DOK6: variants seen among roughly 807,000 people sequenced by gnomAD.
DOK6 encodes docking protein 6.
DOK6 carries 22 observed loss-of-function variants against 44.0 expected under a neutral mutation model. The ratio of observed to expected loss-of-function variants is 0.50; its 90% CI spans 0.36 to 0.71. The LOEUF (loss-of-function observed/expected upper bound fraction) is 0.71. DOK6 is among the 30% of genes least tolerant of loss of function. The probability of loss-of-function intolerance (pLI) is 0.00; values close to 1 mark genes in which losing one functional copy is unlikely to be tolerated. For synonymous variants in DOK6, 166 were observed against 145.5 expected (o/e 1.14, Z -1.01); for missense variants, 340 against 416.4 (o/e 0.82, Z 1.60).
intron 7 of DOK6, among the ~76,000 whole-genome samples, chr18:69,829,767 A>G (rs1477880141): frequency 6.6e-6 from 1 of 151,910 alleles, no homozygotes; most frequent in Non-Finnish European, 1.5e-5. Flanking sequence ...AATACTTTCT[A>G]TAGGAAAAAA....
At chr18:69,496,418 G>A (rs1385576022) in intron 1 of DOK6, among the ~76,000 whole-genome samples, 2 of 152,254 alleles carry the variant, frequency 1.3e-5, no homozygotes, top group Admixed American at 6.5e-5. Context: ...CAGCCCCAGC[G>A]GGGCTTCCCG....
intron 1 of DOK6, among the ~76,000 whole-genome samples, chr18:69,516,692 T>A (rs372988997): frequency 9.9e-5 from 15 of 152,054 alleles, no homozygotes; most frequent in African/African-American, 3.4e-4. Context: ...CTTTTTTTTT[T>A]CTTTTGAGGC....
intron 4 of DOK6, among the ~76,000 whole-genome samples, chr18:69,690,982 A>T (rs373828233): frequency 6.6e-6 from 1 of 151,962 alleles, no homozygotes; most frequent in Admixed American, 6.6e-5. Flanking sequence ...GGAGTTCAAG[A>T]CCAGCCTGTC....
At chr18:69,518,082 TA>T (rs1981583223) in intron 1 of DOK6, among the ~76,000 whole-genome samples, 1 of 152,134 alleles carries the variant, frequency 6.6e-6, no homozygotes, top group Admixed American at 6.6e-5. Flanking sequence ...TAATTTAGAG[TA>T]TCATTATTAC....
chr18:69,572,472 C>A (rs185639171), intron 2 of DOK6, among the ~76,000 whole-genome samples: 1 of 152,014 alleles, frequency 6.6e-6, no homozygotes. Context: ...GTAGTCAATT[C>A]GATAAATAGT....
At chr18:69,649,516 G>A (rs1457943596) in intron 3 of DOK6, among the ~76,000 whole-genome samples, 1 of 152,122 alleles carries the variant, frequency 6.6e-6, no homozygotes, top group Non-Finnish European at 1.5e-5. Flanking sequence ...TAATTTATCA[G>A]CCTCAATAGA....
intron 6 of DOK6, among the ~76,000 whole-genome samples, chr18:69,751,482 A>C (rs1979176222): frequency 6.6e-6 from 1 of 152,218 alleles, no homozygotes; most frequent in African/African-American, 2.4e-5. Flanking sequence ...CAGTGGATTA[A>C]AAATTGAACA....
intron 1 of DOK6, among the ~76,000 whole-genome samples, chr18:69,438,370 T>C (rs187161527): frequency 1.3e-5 from 2 of 152,346 alleles, no homozygotes; most frequent in African/African-American, 4.8e-5. Flanking sequence ...ACTTCTTATT[T>C]GTTATTTGTT....
chr18:69,647,101 T>TCTGTCTATC (rs2144659355), intron 3 of DOK6, among the ~76,000 whole-genome samples: 2 of 151,110 alleles, frequency 1.3e-5, no homozygotes, highest in South Asian at 4.2e-4. Context: ...GTCTATCCTA[T>TCTGTCTATC]CTGTCTATCT....
At chr18:69,522,787 T>C (rs1981722965) in intron 1 of DOK6, among the ~76,000 whole-genome samples, 1 of 152,112 alleles carries the variant, frequency 6.6e-6, no homozygotes, top group African/African-American at 2.4e-5. Flanking sequence ...TTGATTACTG[T>C]TCCACATTAT....
At chr18:69,757,709 T>C in intron 6 of DOK6, 47 bp from the exon 7 acceptor site, 1 of 1,503,068 alleles carries the variant, frequency 6.7e-7, no homozygotes, top group South Asian at 1.1e-5. Flanking sequence ...CAGATTTCAG[T>C]TTAATATTTT....
chr18:69,803,907 C>A (rs564242105), intron 7 of DOK6, among the ~76,000 whole-genome samples: 1 of 152,220 alleles, frequency 6.6e-6, no homozygotes, highest in Admixed American at 6.5e-5. Context: ...AAGTATAGTG[C>A]AGAAAAGTTG....
At chr18:69,504,816 C>T (rs1009959429) in intron 1 of DOK6, among the ~76,000 whole-genome samples, 8 of 152,126 alleles carry the variant, frequency 5.3e-5, no homozygotes, top group Admixed American at 3.9e-4. Flanking sequence ...TGTGATTCCA[C>T]GAGAGCTATT....
At chr18:69,677,662 G>A in intron 3 of DOK6, 72 bp from the exon 4 acceptor site, 1 of 1,604,048 alleles carries the variant, frequency 6.2e-7, no homozygotes, top group Non-Finnish European at 8.5e-7. Flanking sequence ...TGGGAAAACA[G>A]TTAAGGAAAT....
intron 7 of DOK6, among the ~76,000 whole-genome samples, chr18:69,767,052 C>A (rs2144762575): frequency 6.6e-6 from 1 of 152,092 alleles, no homozygotes; most frequent in South Asian, 2.1e-4. Context: ...CATGGCAAAA[C>A]CCTGTCTCTA....
At chr18:69,524,847 T>A (rs1981786056) in intron 1 of DOK6, among the ~76,000 whole-genome samples, 1 of 151,074 alleles carries the variant, frequency 6.6e-6, no homozygotes, top group Admixed American at 6.6e-5. Context: ...ATAGGGAGAG[T>A]TTTTTCTCTT....
intron 1 of DOK6, chr18:69,532,636 G>A (rs1271863986): frequency 6.6e-6 from 1 of 152,280 alleles, no homozygotes; most frequent in Non-Finnish European, 1.5e-5. Context: ...CAAAGCAGGA[G>A]GACCACTTGA....
chr18:69,832,455 C>A (rs527441159), intron 7 of DOK6: 26 of 152,078 alleles, frequency 1.7e-4, no homozygotes, highest in African/African-American at 6.0e-4. Flanking sequence ...ATTTTTGAAT[C>A]TATGTTCATC....
At chr18:69,520,607 A>G (rs1401897903) in intron 1 of DOK6, among the ~76,000 whole-genome samples, 1 of 151,962 alleles carries the variant, frequency 6.6e-6, no homozygotes, top group Non-Finnish European at 1.5e-5. Context: ...ACGTTGTTTC[A>G]TGCAAAAAAT....
Sources: gnomAD v4.1 joint callset for allele counts (sites outside exome capture counted in the v4.1 genomes callset) on GRCh38, gnomAD v4.1.1 for gene constraint, MANE v1.5 for transcripts, NCBI Gene and HGNC (gene_info 2026-07-23, HGNC 2026-07-21) for gene names.